Variants in NKAIN2 observed in about 807,000 individuals in gnomAD.
NKAIN2 encodes sodium/potassium transporting ATPase interacting 2.
NKAIN2 carries 14 observed loss-of-function variants against 32.6 expected under a neutral mutation model. The ratio of observed to expected loss-of-function variants is 0.43; its 90% CI spans 0.28 to 0.67. The LOEUF (loss-of-function observed/expected upper bound fraction) is 0.67, where lower values mean the gene tolerates loss of function less well. Among genes scored for constraint, NKAIN2 ranks in the 30% least tolerant of loss-of-function variants. The pLI, the probability that NKAIN2 is intolerant of heterozygous loss-of-function variation, is 0.17. For missense variants in NKAIN2, 198 were observed against 258.3 expected (o/e 0.77, Z 1.60); for synonymous variants, 80 against 87.2 (o/e 0.92, Z 0.46).
chr6:124,347,024 G>C lies in NKAIN2; in HGVS notation c.193-8243G>C, dbSNP rs1163821025. ...TTCCTTCAGGAGCTCTTTTAGGGCA[G>C]GCCTGGTGGTGACAAAATCTCTCAG... On this transcript the variant is annotated intron_variant, in intron 2 of 6. Coordinates refer to ENST00000368417, the MANE Select transcript of NKAIN2 (RefSeq NM_001040214.3). Among the ~76,000 whole-genome samples, 24 of 152,196 alleles carry C rather than the reference G, an allele frequency of 1.6e-4. No homozygotes were observed. In the East Asian group the frequency reaches 4.4e-3, roughly 28 times the overall value.
intron 3 of NKAIN2, among the ~76,000 whole-genome samples, chr6:124,478,674 T>C (rs570971854): frequency 5.6e-4 from 85 of 152,344 alleles, no homozygotes; most frequent in African/African-American, 1.9e-3. Context: ...AAGTCTATTC[T>C]GATATAAGTA....
chr6:124,387,146 T>A (rs1003629729), intron 3 of NKAIN2, among the ~76,000 whole-genome samples: 8 of 152,130 alleles, frequency 5.3e-5, no homozygotes, highest in African/African-American at 1.9e-4. Flanking sequence ...GTATAAAATA[T>A]ATGAGTGTAC....
intron 4 of NKAIN2, among the ~76,000 whole-genome samples, chr6:124,731,868 A>C (rs1018848964): frequency 6.6e-6 from 1 of 152,258 alleles, no homozygotes; most frequent in Non-Finnish European, 1.5e-5. Flanking sequence ...GGCAGTGTCT[A>C]TAAACTATTA....
intron 2 of NKAIN2, among the ~76,000 whole-genome samples, chr6:124,295,166 C>T (rs965863294): frequency 3.9e-5 from 6 of 152,134 alleles, no homozygotes; most frequent in Admixed American, 2.0e-4. Context: ...AGTTTCTGTG[C>T]TTACATTTAC....
chr6:124,404,501 T>A (rs187482025), intron 3 of NKAIN2, among the ~76,000 whole-genome samples: 2 of 151,928 alleles, frequency 1.3e-5, no homozygotes, highest in African/African-American at 4.8e-5. Flanking sequence ...CTTCCCTATG[T>A]TGTCAGATCT....
At chr6:123,849,545 G>T (rs1291207429) in intron 1 of NKAIN2, among the ~76,000 whole-genome samples, 1 of 152,152 alleles carries the variant, frequency 6.6e-6, no homozygotes, top group Non-Finnish European at 1.5e-5. Flanking sequence ...GCTACAGGCA[G>T]AAGTCTGGGA....
chr6:124,730,142 A>T lies in NKAIN2; in HGVS notation c.475-61197A>T, dbSNP rs1412399639. ...GAAAATGGCCATACTTCCCAAGGTA[A>T]TTTACAGATTCAATGCCATCCCCAT... On this transcript the variant is annotated intron_variant, in intron 4 of 6. Transcript: ENST00000368417. 2.2e-5 allele frequency among the ~76,000 whole-genome samples: 2 copies of T among 91,692 alleles called. 1 individual carries two copies. The highest frequency in any genetic ancestry group is 2.5e-4 in the Admixed American group (2 of 7,936). The allele number at this position is 91,692 out of a possible 152,430, so 60.2% of individuals were successfully genotyped here.
At chr6:124,811,022 A>G (rs1780881978) in intron 5 of NKAIN2, among the ~76,000 whole-genome samples, 1 of 151,776 alleles carries the variant, frequency 6.6e-6, no homozygotes, top group African/African-American at 2.4e-5. Context: ...ACTAGAGCTT[A>G]GTGGAAGAAA....
intron 1 of NKAIN2, among the ~76,000 whole-genome samples, chr6:124,281,792 A>G (rs1220761637): frequency 6.6e-6 from 1 of 152,196 alleles, no homozygotes; most frequent in East Asian, 1.9e-4. Context: ...GATGTCTTCA[A>G]ACTGAGCTAC....
intron 1 of NKAIN2, among the ~76,000 whole-genome samples, chr6:124,219,280 T>C (rs1443401247): frequency 1.2e-5 from 1 of 80,868 alleles, no homozygotes; most frequent in Non-Finnish European, 2.6e-5. Context: ...TTTTTCTTTT[T>C]TTCTTTTTTT....
chr6:123,896,038 A>G (rs977451830), intron 1 of NKAIN2, among the ~76,000 whole-genome samples: 1 of 152,218 alleles, frequency 6.6e-6, no homozygotes, highest in African/African-American at 2.4e-5. Flanking sequence ...CTGATGTTCT[A>G]TTACATTTGC....
At chr6:124,009,541 CT>C (rs1202464202) in intron 1 of NKAIN2, among the ~76,000 whole-genome samples, 1 of 152,120 alleles carries the variant, frequency 6.6e-6, no homozygotes, top group Non-Finnish European at 1.5e-5. Context: ...TCTTGTCCCC[CT>C]CCCTCAGCAT....
In NKAIN2 at chr6:124,785,060, C is replaced by T. The variant is rs1267869294; in HGVS notation, c.475-6279C>T. ...CTACTTCTCCTTTTCCTTCAGGACT[C>T]CAGTGGGGGAAAAAAAAGTTAGGTC... On this transcript the variant is annotated intron_variant, in intron 4 of 6. Coordinates refer to ENST00000368417, the MANE Select transcript of NKAIN2 (RefSeq NM_001040214.3). 3.3e-5 allele frequency among the ~76,000 whole-genome samples: 5 copies of T among 152,030 alleles called. No homozygotes were observed. The East Asian group carries it at 9.7e-4, about 29-fold the overall frequency.
At chr6:124,663,357 G>A (rs1772586015) in intron 4 of NKAIN2, among the ~76,000 whole-genome samples, 2 of 152,004 alleles carry the variant, frequency 1.3e-5, no homozygotes, top group Non-Finnish European at 2.9e-5. Flanking sequence ...CTTGAAACTG[G>A]GAGGTGGAGG....
rs1562378872 is a variant in NKAIN2, at chr6:124,779,313, AGGG to A, written c.475-12025_475-12023del. ...GCAGGAAGGAGGGAGGGAGGGAGGG[AGGG>A]AGGGAAGGAAGGAAGGAAGGAAGGA... On this transcript the variant is annotated intron_variant, in intron 4 of 6. Coordinates refer to ENST00000368417, the MANE Select transcript of NKAIN2 (RefSeq NM_001040214.3). Among the ~76,000 whole-genome samples the A allele has an allele frequency of 4.2e-3, 236 of 56,850 alleles. 2 individuals carry two copies. The highest frequency in any genetic ancestry group is 0.014 in the African/African-American group (158 of 11,576). The allele number at this position is 56,850 out of a possible 152,430, so 37.3% of individuals were successfully genotyped here.
intron 3 of NKAIN2, among the ~76,000 whole-genome samples, chr6:124,481,187 T>C (rs201806423): frequency 1.1e-4 from 16 of 140,102 alleles, no homozygotes; most frequent in East Asian, 8.5e-4. Context: ...TTTTTTTTTT[T>C]TCACAGTGGA....
intron 1 of NKAIN2, among the ~76,000 whole-genome samples, chr6:123,819,257 G>A (rs1773825317): frequency 6.6e-6 from 1 of 152,136 alleles, no homozygotes; most frequent in African/African-American, 2.4e-5. Flanking sequence ...TATCAATGCA[G>A]AATGAAATAC....
chr6:124,434,191 T>A (rs1401365411), intron 3 of NKAIN2, among the ~76,000 whole-genome samples: 1 of 152,200 alleles, frequency 6.6e-6, no homozygotes, highest in East Asian at 1.9e-4. Flanking sequence ...CTTGCTGATT[T>A]ACTCTGAAGT....
chr6:124,817,257 C>A (rs1781206282), intron 5 of NKAIN2, among the ~76,000 whole-genome samples: 1 of 151,178 alleles, frequency 6.6e-6, no homozygotes, highest in Non-Finnish European at 1.5e-5. Flanking sequence ...TTTTTTTTGG[C>A]TCACCAGCTA....
Sources: gnomAD v4.1 joint callset for allele counts (sites outside exome capture counted in the v4.1 genomes callset) on GRCh38, gnomAD v4.1.1 for gene constraint, MANE v1.5 for transcripts, NCBI Gene and HGNC (gene_info 2026-07-23, HGNC 2026-07-21) for gene names.